Variants in RIC1 observed in about 807,000 individuals in gnomAD.
RIC1 encodes RIC1 partner of RAB6A GEF complex, also known as guanine nucleotide exchange factor subunit RIC1.
A neutral mutation model predicts 169.0 loss-of-function variants in RIC1; 88 were observed. The ratio of observed to expected loss-of-function variants is 0.52; its 90% confidence interval spans 0.44 to 0.62. The LOEUF is 0.62. Ranked by LOEUF, RIC1 falls within the 20% of genes least tolerant of loss-of-function variation. The pLI is 0.00. For missense variants in RIC1, 1,877 were observed against 1,725.5 expected (o/e 1.09, Z -1.56); for synonymous variants, 790 against 601.5 (o/e 1.31, Z -4.59).
intron 3 of RIC1, among the ~76,000 whole-genome samples, chr9:5,706,409 A>T (rs1247247556): frequency 1.3e-5 from 2 of 152,100 alleles, no homozygotes; most frequent in African/African-American, 2.4e-5. Context: ...CTGAGATCGC[A>T]CCACTGCACT....
rs1334082617 is a variant in RIC1, at chr9:5,747,358, A to G, written c.1305A>G (p.Gly435=). ...AGGATCGCTTGTACTTGAACTGTGG[A>G]GAGGCTTCACAAACCCAGAATCCCA... ...QGEDRLYLNC[G]EASQTQNPRS... Residue 435 remains glycine, a synonymous_variant, in exon 12 of 26, where the codon GGA becomes GGG. Transcript: ENST00000414202. The G allele has an allele frequency of 6.2e-7, 1 of 1,614,130 alleles. No homozygotes were observed. The highest frequency in any genetic ancestry group is 8.5e-7 in the Non-Finnish European group (1 of 1,179,984).
chr9:5,642,949 A>G (rs2130329135), intron 1 of RIC1, among the ~76,000 whole-genome samples: 1 of 152,272 alleles, frequency 6.6e-6, no homozygotes, highest in South Asian at 2.1e-4. Context: ...TTTACCATAA[A>G]TGGAAATCTA....
At chr9:5,756,494 T>TA (rs79034593) in intron 16 of RIC1, 122 bp downstream of exon 16, 193,709 of 562,498 alleles carry the variant, frequency 0.34, 37,107 homozygotes, top group East Asian at 0.6. Context: ...TTGTTAGAGG[T>TA]AAAAAAAGCA....
chr9:5,655,329 C>G (rs1819030254), intron 1 of RIC1, among the ~76,000 whole-genome samples: 1 of 152,090 alleles, frequency 6.6e-6, no homozygotes, highest in African/African-American at 2.4e-5. Flanking sequence ...GAGACAGAGT[C>G]TCGCTCTTTT....
chr9:5,673,675 G>C (rs1820263069), intron 2 of RIC1, among the ~76,000 whole-genome samples: 1 of 151,344 alleles, frequency 6.6e-6, no homozygotes, highest in African/African-American at 2.4e-5. Context: ...AAAAATAGTA[G>C]TAAGTGTATC....
intron 1 of RIC1, among the ~76,000 whole-genome samples, chr9:5,651,286 G>T (rs149103955): frequency 1.3e-5 from 2 of 152,068 alleles, no homozygotes; most frequent in African/African-American, 2.4e-5. Flanking sequence ...GGTGTTTCCT[G>T]TCACTTCTCT....
chr9:5,637,786 C>T (rs760267637), intron 1 of RIC1, among the ~76,000 whole-genome samples: 2 of 152,046 alleles, frequency 1.3e-5, no homozygotes, highest in East Asian at 1.9e-4. Flanking sequence ...TGTAAATGAC[C>T]GGATCTCATT....
intron 3 of RIC1, among the ~76,000 whole-genome samples, chr9:5,710,272 T>G (rs2130813181): frequency 6.6e-6 from 1 of 152,356 alleles, no homozygotes. Context: ...TAAGGATTCC[T>G]ATGTTCCCAC....
At chr9:5,741,921 A>G (rs1026056443) in intron 8 of RIC1, among the ~76,000 whole-genome samples, 3 of 152,156 alleles carry the variant, frequency 2.0e-5, no homozygotes, top group Non-Finnish European at 4.4e-5. Context: ...TTTTCCAGAG[A>G]GGATTTAAAT....
chr9:5,696,945 T>G (rs1821939693), intron 3 of RIC1, among the ~76,000 whole-genome samples: 1 of 152,200 alleles, frequency 6.6e-6, no homozygotes, highest in Non-Finnish European at 1.5e-5. Flanking sequence ...AGCTTAGCCC[T>G]TCTGAAGTCC....
intron 3 of RIC1, among the ~76,000 whole-genome samples, chr9:5,711,837 G>T (rs986123637): frequency 4.3e-4 from 65 of 152,102 alleles, no homozygotes; most frequent in Admixed American, 2.2e-3. Flanking sequence ...TTGGTTTTTT[G>T]TCCTTGCGAC....
chr9:5,728,494 G>A (rs1241003433), intron 6 of RIC1, among the ~76,000 whole-genome samples: 2 of 152,232 alleles, frequency 1.3e-5, no homozygotes, highest in Non-Finnish European at 2.9e-5. Context: ...CACTTCCCGG[G>A]TGAGGTGATG....
chr9:5,676,593 T>C (rs1586925609), intron 2 of RIC1, among the ~76,000 whole-genome samples: 2 of 152,330 alleles, frequency 1.3e-5, no homozygotes, highest in East Asian at 3.9e-4. Context: ...AAAGCTCTAT[T>C]TCTGCATCAT....
intron 4 of RIC1, among the ~76,000 whole-genome samples, chr9:5,714,372 G>GT (rs896192666): frequency 6.6e-6 from 1 of 152,176 alleles, no homozygotes; most frequent in African/African-American, 2.4e-5. Flanking sequence ...CTTCTGGGAA[G>GT]TTTATATACA....
At chr9:5,659,685 T>C (rs1387327733) in intron 2 of RIC1, among the ~76,000 whole-genome samples, 1 of 152,214 alleles carries the variant, frequency 6.6e-6, no homozygotes, top group Admixed American at 6.5e-5. Flanking sequence ...TCAATTTCTG[T>C]AAGGAGTGTT....
At chr9:5,629,537 A>T in intron 1 of RIC1, 84 bp downstream of exon 1, 1 of 1,407,296 alleles carries the variant, frequency 7.1e-7, no homozygotes, top group Non-Finnish European at 9.4e-7. Flanking sequence ...CCCAGAGCCT[A>T]GGACTCCTGC....
At chr9:5,669,171 A>G (rs964056697) in intron 2 of RIC1, among the ~76,000 whole-genome samples, 9 of 152,154 alleles carry the variant, frequency 5.9e-5, no homozygotes, top group African/African-American at 1.9e-4. Flanking sequence ...GTTGCCAGCC[A>G]GTCATGTAAG....
intron 16 of RIC1, among the ~76,000 whole-genome samples, chr9:5,756,872 A>T (rs56011248): frequency 6.6e-6 from 1 of 152,202 alleles, no homozygotes; most frequent in East Asian, 1.9e-4. Context: ...TCTACTTGCA[A>T]CGTATTTAGA....
chr9:5,663,295 A>C (rs1819562558), intron 2 of RIC1, among the ~76,000 whole-genome samples: 1 of 152,130 alleles, frequency 6.6e-6, no homozygotes, highest in South Asian at 2.1e-4. Context: ...GAGAACAATT[A>C]GTTTCTGTTG....
Sources: gnomAD v4.1 joint callset for allele counts (sites outside exome capture counted in the v4.1 genomes callset) on GRCh38, gnomAD v4.1.1 for gene constraint, MANE v1.5 for transcripts, NCBI Gene and HGNC (gene_info 2026-07-23, HGNC 2026-07-21) for gene names.